Variants in PRKCE observed in about 807,000 individuals in gnomAD.
PRKCE encodes protein kinase C epsilon, also known as protein kinase C epsilon type.
A neutral mutation model predicts 85.4 loss-of-function variants in PRKCE; 16 were observed. The observed-to-expected ratio is 0.19, with a 90% CI of 0.13 to 0.28. PRKCE has a LOEUF of 0.28. PRKCE is among the 10% of genes least tolerant of loss of function. PRKCE has a pLI of 1.00. For synonymous variants in PRKCE, 388 were observed against 371.5 expected (o/e 1.04, Z -0.51); for missense variants, 573 against 975.2 (o/e 0.59, Z 5.49).
chr2:45,689,047 G>A (rs1046784287), intron 1 of PRKCE, among the ~76,000 whole-genome samples: 3 of 152,220 alleles, frequency 2.0e-5, no homozygotes, highest in African/African-American at 7.2e-5. Flanking sequence ...AGGTATGAAT[G>A]TGCTGTGGGG....
At chr2:45,867,551 T>G (rs1200025809) in intron 2 of PRKCE, among the ~76,000 whole-genome samples, 1 of 152,234 alleles carries the variant, frequency 6.6e-6, no homozygotes, top group East Asian at 1.9e-4. Context: ...AATTTTTCTG[T>G]TAACTGTCAT....
chr2:45,847,018 C>T (rs1691849060), intron 2 of PRKCE, among the ~76,000 whole-genome samples: 1 of 152,198 alleles, frequency 6.6e-6, no homozygotes, highest in African/African-American at 2.4e-5. Context: ...GGGACATGTT[C>T]ACAAGGGCCA....
intron 12 of PRKCE, among the ~76,000 whole-genome samples, chr2:46,147,262 T>G (rs960596354): frequency 6.6e-6 from 1 of 152,356 alleles, no homozygotes; most frequent in South Asian, 2.1e-4. Context: ...GAACTGCTTT[T>G]CTCGTGTTCT....
chr2:45,732,351 G>A (rs1681652575), intron 1 of PRKCE, among the ~76,000 whole-genome samples: 1 of 152,070 alleles, frequency 6.6e-6, no homozygotes, highest in South Asian at 2.1e-4. Flanking sequence ...ATATGTTGAG[G>A]TTCTTCATAT....
Position 45,652,457 on chromosome 2 carries a change from G to A in PRKCE, c.348+9G>A. The stretch of plus-strand genomic sequence containing the variant: ...GCCACTTCGAGGACTGGGTGAGTGC[G>A]GCGCCTCCCCGTCATTCCGGGAACC... On this transcript the variant is annotated intron_variant, in intron 1 of 14. Coordinates refer to ENST00000306156, the MANE Select transcript of PRKCE (RefSeq NM_005400.3). This position sits in a 1 kb window ranked among gnomAD's most constrained non-coding sequence, Gnocchi z 7.7. 6.3e-7 allele frequency: 1 copy of A among 1,598,982 alleles called. No individual in the cohort carries two copies. Among genetic ancestry groups the A allele is most frequent in the Non-Finnish European group, 8.5e-7 (1 of 1,173,950 alleles).
At chr2:45,689,473 T>A (rs1677557683) in intron 1 of PRKCE, among the ~76,000 whole-genome samples, 1 of 151,942 alleles carries the variant, frequency 6.6e-6, no homozygotes, top group Non-Finnish European at 1.5e-5. Flanking sequence ...TCTCTCCCCT[T>A]GTTAAAAATT....
intron 1 of PRKCE, among the ~76,000 whole-genome samples, chr2:45,681,352 G>T (rs1676889136): frequency 6.7e-6 from 1 of 149,098 alleles, no homozygotes; most frequent in Non-Finnish European, 1.5e-5. Context: ...TAAGCCTCCT[G>T]GTGGGAAGTA....
chr2:46,006,578 A>G lies in PRKCE; in HGVS notation c.1064-884A>G, dbSNP rs527680209. On this transcript the variant is annotated intron_variant, in intron 8 of 14. Transcript: ENST00000306156. Reference sequence around the variant, plus strand: ...GGTTAATAGGCTATGTTCCCCTTCCATAATCCAAGTTATTCACAAGCATCA... The same window carrying G: ...GGTTAATAGGCTATGTTCCCCTTCCGTAATCCAAGTTATTCACAAGCATCA... Among the ~76,000 whole-genome samples, 73 of 152,350 alleles carry G rather than the reference A, an allele frequency of 4.8e-4. 1 individual carries two copies. The highest frequency in any genetic ancestry group is 1.8e-3 in the African/African-American group (73 of 41,576).
At chr2:46,069,125 A>G (rs564194112) in intron 10 of PRKCE, among the ~76,000 whole-genome samples, 4 of 152,366 alleles carry the variant, frequency 2.6e-5, no homozygotes, top group East Asian at 1.9e-4. Context: ...TTGAAGAATC[A>G]TTGAAGATGC....
chr2:45,692,708 G>GAC (rs61597020), intron 1 of PRKCE, among the ~76,000 whole-genome samples: 27,178 of 149,240 alleles, frequency 0.18, 2,513 homozygotes, highest in Middle Eastern at 0.23. Flanking sequence ...TCCAAGGGAG[G>GAC]ACACACACAC....
At chr2:45,869,933 C>A (rs1026915597) in intron 2 of PRKCE, among the ~76,000 whole-genome samples, 2 of 152,080 alleles carry the variant, frequency 1.3e-5, no homozygotes, top group Non-Finnish European at 2.9e-5. Context: ...GTCTTGAACT[C>A]CTGACCTCCT....
At chr2:46,043,430 TTTGAAATACCCA>T (rs1708332995) in intron 10 of PRKCE, among the ~76,000 whole-genome samples, 1 of 152,208 alleles carries the variant, frequency 6.6e-6, no homozygotes, top group African/African-American at 2.4e-5. Flanking sequence ...TTAAGTAACA[TTTGAAATACCCA>T]TTGATATCTT....
chr2:45,813,442 A>C (rs1688794748), intron 1 of PRKCE, among the ~76,000 whole-genome samples: 1 of 152,222 alleles, frequency 6.6e-6, no homozygotes, highest in Admixed American at 6.5e-5. Flanking sequence ...ATTCCTGAGC[A>C]GAGAGGAGAC....
At chr2:45,960,990 C>G (rs1417038112) in intron 2 of PRKCE, among the ~76,000 whole-genome samples, 1 of 152,170 alleles carries the variant, frequency 6.6e-6, no homozygotes, top group Non-Finnish European at 1.5e-5. Context: ...AGGAGTAAAG[C>G]AAACACAGAG....
intron 1 of PRKCE, among the ~76,000 whole-genome samples, chr2:45,739,130 G>T (rs899968669): frequency 1.3e-5 from 2 of 152,156 alleles, no homozygotes; most frequent in Middle Eastern, 3.2e-3. Flanking sequence ...GCCTCTCCAG[G>T]CTTAAATTCA....
rs1230576963 is a variant in PRKCE, at chr2:45,703,581, C to T, written c.348+51133C>T. Among the ~76,000 whole-genome samples the T allele has an allele frequency of 2.0e-5, 3 of 151,922 alleles. No homozygotes were observed. In the East Asian group the frequency reaches 5.8e-4, roughly 29 times the overall value. On this transcript the variant is annotated intron_variant, in intron 1 of 14. Transcript: ENST00000306156. The stretch of plus-strand genomic sequence containing the variant: ...GAAAAGAAAAGAAAAAAAAAGGAAG[C>T]TCATTGACGGTAGAGGCACCTTTTT...
At chr2:45,714,627 C>T (rs1006740348) in intron 1 of PRKCE, among the ~76,000 whole-genome samples, 22 of 152,268 alleles carry the variant, frequency 1.4e-4, no homozygotes, top group East Asian at 1.9e-4. Flanking sequence ...GCTGTGGCCT[C>T]GTGAAAGGTC....
intron 13 of PRKCE, among the ~76,000 whole-genome samples, chr2:46,156,579 T>C (rs998518983): frequency 6.6e-6 from 1 of 152,212 alleles, no homozygotes; most frequent in African/African-American, 2.4e-5. Flanking sequence ...GGCAAGGCAT[T>C]CAGCGAGACT....
intron 1 of PRKCE, among the ~76,000 whole-genome samples, chr2:45,816,443 A>T (rs1689051820): frequency 1.3e-5 from 2 of 152,268 alleles, no homozygotes; most frequent in South Asian, 4.1e-4. Flanking sequence ...TCATCCCTAC[A>T]GTGCAGGGGT....
Sources: gnomAD v4.1 joint callset for allele counts (sites outside exome capture counted in the v4.1 genomes callset) on GRCh38, gnomAD v4.1.1 for gene constraint, Gnocchi (gnomAD v3.1) non-coding constraint, MANE v1.5 for transcripts, NCBI Gene and HGNC (gene_info 2026-07-23, HGNC 2026-07-21) for gene names.